Variants in RGPD2 observed in about 807,000 individuals in gnomAD.
RGPD2 encodes the protein RANBP2-like and GRIP domain-containing protein 2.
Under a neutral mutation model 36.0 loss-of-function variants are expected in RGPD2, and 2 were observed. The observed-to-expected ratio is 0.06, with a 90% CI of 0.02 to 0.17. The LOEUF is 0.17. RGPD2 is among the 10% of genes least tolerant of loss of function. RGPD2 has a pLI of 1.00. For synonymous variants in RGPD2, 19 were observed against 163.8 expected (o/e 0.12, Z 6.75); for missense variants, 40 against 464.3 (o/e 0.09, Z 8.40).
the RGPD2 span, among the ~76,000 whole-genome samples, chr2:87,902,390 TA>T: frequency 6.7e-6 from 1 of 149,674 alleles, no homozygotes; most frequent in African/African-American, 2.4e-5. Context: ...GAAGGAGGGG[TA>T]AAATGTGATT....
chr2:87,825,462 GGCCGAGGCCGCCGTCGCCGCC>G (rs1326448042), intron 1 of RGPD2, among the ~76,000 whole-genome samples, 175 bp downstream of exon 1: 5 of 95,460 alleles, frequency 5.2e-5, no homozygotes, highest in Non-Finnish European at 8.5e-5. Flanking sequence ...CCGAGGCCGA[GGCCGAGGCCGCCGTCGCCGCC>G]GCCGCCGCCC....
chr2:87,843,997 G>C, the RGPD2 span, among the ~76,000 whole-genome samples: 2 of 151,406 alleles, frequency 1.3e-5, no homozygotes, highest in Non-Finnish European at 2.9e-5. Flanking sequence ...TCACTCATAG[G>C]TGGGAATTGA....
the RGPD2 span, among the ~76,000 whole-genome samples, chr2:87,870,635 C>A: frequency 1.3e-5 from 2 of 151,484 alleles, no homozygotes; most frequent in Admixed American, 6.6e-5. Context: ...ATAATCAAAC[C>A]TCTTCCTTCT....
chr2:87,973,543 C>T, the RGPD2 span, among the ~76,000 whole-genome samples: 6 of 140,286 alleles, frequency 4.3e-5, no homozygotes, highest in Non-Finnish European at 6.3e-5. Flanking sequence ...CAACTCCTTG[C>T]GTTCCTTTTG....
the RGPD2 span, among the ~76,000 whole-genome samples, chr2:87,877,619 C>T: frequency 0.19 from 27,881 of 146,926 alleles, 4 homozygotes; most frequent in African/African-American, 0.32. Context: ...CTGGCTAACA[C>T]GGTGAAACCC....
At chr2:87,883,013 AC>A in the RGPD2 span, among the ~76,000 whole-genome samples, 2 of 152,062 alleles carry the variant, frequency 1.3e-5, no homozygotes, top group East Asian at 3.9e-4. Flanking sequence ...ATATGTACAT[AC>A]ATTGACAAAT....
the RGPD2 span, among the ~76,000 whole-genome samples, chr2:87,830,867 G>A: frequency 1.3e-5 from 2 of 152,216 alleles, no homozygotes; most frequent in Admixed American, 6.5e-5. Context: ...TTCCTGCTTG[G>A]TGTCTCCCAT....
chr2:87,988,832 T>C, the RGPD2 span, among the ~76,000 whole-genome samples: 1 of 151,920 alleles, frequency 6.6e-6, no homozygotes, highest in South Asian at 2.1e-4. Context: ...TGAGCCACCA[T>C]GCCCAGCAGG....
chr2:87,974,015 C>G, the RGPD2 span, among the ~76,000 whole-genome samples: 1 of 152,172 alleles, frequency 6.6e-6, no homozygotes, highest in African/African-American at 2.4e-5. Flanking sequence ...GAAGCAGGGT[C>G]ACTGTGTTTC....
upstream of RGPD2, among the ~76,000 whole-genome samples, chr2:87,826,641 CAT>C (rs1249924916): frequency 6.7e-4 from 1 of 1,500 alleles, no homozygotes. Flanking sequence ...AAGGAGAAGA[CAT>C]GTGGGCGTGT....
the RGPD2 span, among the ~76,000 whole-genome samples, chr2:87,988,543 T>TATATATATATATA: frequency 2.5e-4 from 7 of 27,820 alleles, no homozygotes; most frequent in East Asian, 6.2e-3. Context: ...ATATATATAT[T>TATATATATATATA]TTTTTTTTTT....
the RGPD2 span, among the ~76,000 whole-genome samples, chr2:87,844,699 G>T: frequency 6.6e-6 from 1 of 151,562 alleles, no homozygotes. Context: ...AAGTCTCTCA[G>T]TAATTTCTAA....
chr2:87,916,068 G>A, the RGPD2 span, among the ~76,000 whole-genome samples: 1 of 151,456 alleles, frequency 6.6e-6, no homozygotes, highest in Non-Finnish European at 1.5e-5. Flanking sequence ...ATATTAGTGT[G>A]GCATCAGCCA....
the RGPD2 span, among the ~76,000 whole-genome samples, chr2:87,974,633 TCA>T: frequency 4.6e-5 from 7 of 152,196 alleles, no homozygotes; most frequent in African/African-American, 1.7e-4. Flanking sequence ...TCCAACTCTA[TCA>T]ATGCTAAGAA....
At chr2:87,961,214 CCAAA>C in the RGPD2 span, among the ~76,000 whole-genome samples, 3 of 152,156 alleles carry the variant, frequency 2.0e-5, no homozygotes, top group Non-Finnish European at 4.4e-5. Context: ...TATAGCCATG[CCAAA>C]CAAAGTTAAT....
chr2:87,920,180 TG>T, the RGPD2 span, among the ~76,000 whole-genome samples: 1 of 152,002 alleles, frequency 6.6e-6, no homozygotes, highest in East Asian at 1.9e-4. Flanking sequence ...TAATTAATTA[TG>T]TATTTGATGA....
the RGPD2 span, among the ~76,000 whole-genome samples, chr2:87,952,804 C>G: frequency 6.7e-4 from 102 of 152,112 alleles, 1 homozygote; most frequent in East Asian, 0.019. Flanking sequence ...TAAAGAACTT[C>G]CAAGTCTTTG....
the RGPD2 span, among the ~76,000 whole-genome samples, chr2:87,887,282 G>A: frequency 2.0e-5 from 3 of 151,534 alleles, no homozygotes; most frequent in Non-Finnish European, 3.0e-5. Context: ...CTTATTGATC[G>A]AAACCGCAGG....
chr2:87,849,157 C>A, the RGPD2 span, among the ~76,000 whole-genome samples: 2 of 150,412 alleles, frequency 1.3e-5, no homozygotes, highest in African/African-American at 4.9e-5. Flanking sequence ...GTGAGTGTTT[C>A]AAAGGTAATC....
Sources: gnomAD v4.1 joint callset for allele counts (sites outside exome capture counted in the v4.1 genomes callset) on GRCh38, gnomAD v4.1.1 for gene constraint, MANE v1.5 for transcripts, NCBI Gene and HGNC (gene_info 2026-07-23, HGNC 2026-07-21) for gene names.